The following HYDIN variants were observed in gnomAD, a reference collection of about 807,000 sequenced individuals.
HYDIN encodes HYDIN axonemal central pair apparatus protein.
A neutral mutation model predicts 403.9 loss-of-function variants in HYDIN; 132 were observed. The ratio of observed to expected loss-of-function variants is 0.33; its 90% confidence interval spans 0.28 to 0.38. HYDIN has a LOEUF of 0.38. HYDIN is among the 10% of genes least tolerant of loss of function. HYDIN has a pLI of 1.00. For missense variants in HYDIN, 2,827 were observed against 5,009.5 expected, an observed-to-expected ratio of 0.56 and a Z score of 13.15; for synonymous variants, 1,202 against 1,891.7, an observed-to-expected ratio of 0.64 and a Z score of 9.46.
rs760461694 is a variant in HYDIN, at chr16:71,062,172, A to C, written c.2373T>G (p.Pro791=). 9.4e-6 allele frequency: 12 copies of C among 1,283,182 alleles called. No individual in the cohort carries two copies. The highest frequency in any genetic ancestry group is 8.8e-5 in the African/African-American group (6 of 67,954). The allele number at this position is 1,283,182 out of a possible 1,614,324, so 79.5% of individuals were successfully genotyped here. Residue 791 remains proline (P), a synonymous_variant, in exon 17 of 86, where the codon CCT becomes CCG. Transcript: ENST00000393567. ...YISIFGSQDP[P]LVCHLKSAGE... ...AGTTCTGAAAATGGACTCTCACCAAAGGGGGGTCCTGGCTCCCAAAGATTG... is the reference window on the plus strand; with the variant it reads ...AGTTCTGAAAATGGACTCTCACCAACGGGGGGTCCTGGCTCCCAAAGATTG...
chr16:70,992,348 C>T (rs2079384545), intron 23 of HYDIN, 138 bp from the exon 24 acceptor site: 1 of 1,174,588 alleles, frequency 8.5e-7, no homozygotes, highest in Non-Finnish European at 1.1e-6. Flanking sequence ...CACCCTACAC[C>T]CTCCCTTGAA....
At chr16:71,193,195 T>G (rs1204471885) in intron 1 of HYDIN, among the ~76,000 whole-genome samples, 14 of 152,246 alleles carry the variant, frequency 9.2e-5, no homozygotes. Context: ...AGGAGCTCAG[T>G]AAATAATTGT....
At chr16:71,133,380 G>T (rs2084789994) in intron 8 of HYDIN, 2 of 380,062 alleles carry the variant, frequency 5.3e-6, no homozygotes, top group Admixed American at 7.3e-5. Flanking sequence ...CTGTTTGGCA[G>T]TACCACGTAA....
chr16:71,205,758 T>G (rs1477446738), intron 1 of HYDIN, among the ~76,000 whole-genome samples: 1 of 152,208 alleles, frequency 6.6e-6, no homozygotes, highest in African/African-American at 2.4e-5. Flanking sequence ...CATTTTTGCG[T>G]GAACTCAGCT....
At chr16:71,021,101 A>G (rs370869368) in intron 21 of HYDIN, among the ~76,000 whole-genome samples, 3 of 151,300 alleles carry the variant, frequency 2.0e-5, no homozygotes, top group South Asian at 2.1e-4. Flanking sequence ...TGATTTGCCT[A>G]TATCTTGTTA....
intron 25 of HYDIN, among the ~76,000 whole-genome samples, chr16:70,990,810 G>T: frequency 6.6e-6 from 1 of 152,218 alleles, no homozygotes; most frequent in East Asian, 1.9e-4. Context: ...TTGCAAAGTT[G>T]TATGTTATAG....
chr16:71,210,408 A>G (rs930756152), intron 1 of HYDIN, among the ~76,000 whole-genome samples: 5 of 152,206 alleles, frequency 3.3e-5, no homozygotes, highest in African/African-American at 1.2e-4. Flanking sequence ...TAACACAGGA[A>G]CAGAAAACCA....
rs532292256 is a variant in HYDIN, at chr16:70,805,764, T to C, written c.*1816A>G. On this transcript the variant is annotated 3_prime_UTR_variant, in exon 86 of 86. Coordinates refer to ENST00000393567, the MANE Select transcript of HYDIN (RefSeq NM_001270974.2). ...TCTTTAGACCTATCAGTAGTGTCTT[T>C]AGAGGTTATAGAAATAAATTGTCTA... 6.6e-6 allele frequency among the ~76,000 whole-genome samples: 1 copy of C among 152,340 alleles called. No homozygotes were observed. Among genetic ancestry groups the C allele is most frequent in the Admixed American group, 6.5e-5 (1 of 15,298 alleles).
At chr16:71,178,877 C>G in intron 4 of HYDIN, 51 bp downstream of exon 4, 1 of 1,490,352 alleles carries the variant, frequency 6.7e-7, no homozygotes, top group Non-Finnish European at 9.1e-7. Context: ...TTACTTTAAC[C>G]CATTCTCATA....
At chr16:71,056,708 C>A (rs1428182750) in intron 18 of HYDIN, among the ~76,000 whole-genome samples, 10 of 152,260 alleles carry the variant, frequency 6.6e-5, no homozygotes, top group African/African-American at 2.2e-4. Flanking sequence ...CAGCATCCAA[C>A]AAGAAAAGAG....
intron 1 of HYDIN, among the ~76,000 whole-genome samples, chr16:71,201,617 C>T (rs993625540): frequency 6.6e-6 from 1 of 152,196 alleles, no homozygotes; most frequent in Admixed American, 6.5e-5. Flanking sequence ...AGAGGCAATG[C>T]TTTCTTTGTA....
Position 70,834,166 on chromosome 16 carries a change from T to G in HYDIN, c.13402-2A>C, listed in dbSNP as rs1270003368. 6.2e-7 allele frequency: 1 copy of G among 1,613,826 alleles called. No individual in the cohort carries two copies. The highest frequency in any genetic ancestry group is 2.2e-5 in the East Asian group (1 of 44,856). On this transcript the variant is annotated splice_acceptor_variant, in intron 78 of 85. Coordinates refer to ENST00000393567, the MANE Select transcript of HYDIN (RefSeq NM_001270974.2). LOFTEE classifies it high-confidence loss of function. ...GTGGAAGGGCGCCAGGGTAAGGACC[T>G]GAATGAAATAGCACCCAGAGTCAGC...
At chr16:71,174,819 G>T (rs561545772) in intron 5 of HYDIN, among the ~76,000 whole-genome samples, 1 of 152,164 alleles carries the variant, frequency 6.6e-6, no homozygotes, top group Admixed American at 6.5e-5. Flanking sequence ...GCTGATGGGG[G>T]TGAGCAGGCC....
At chr16:70,995,462 G>T (rs1477218314) in intron 23 of HYDIN, among the ~76,000 whole-genome samples, 2 of 152,100 alleles carry the variant, frequency 1.3e-5, no homozygotes, top group Non-Finnish European at 2.9e-5. Context: ...TGGCTTTGGG[G>T]GCAGTGGTTT....
chr16:70,906,596 C>A (rs1369465148), intron 50 of HYDIN, among the ~76,000 whole-genome samples: 2 of 152,174 alleles, frequency 1.3e-5, no homozygotes, highest in East Asian at 3.9e-4. Context: ...AGCATGCAAG[C>A]CTCATAAGAA....
At chr16:70,849,215 A>C (rs1194071331) in intron 75 of HYDIN, among the ~76,000 whole-genome samples, 1 of 152,182 alleles carries the variant, frequency 6.6e-6, no homozygotes, top group African/African-American at 2.4e-5. Context: ...GGCAAATCAA[A>C]ATACCACAAA....
At chr16:71,067,412 G>A (rs748281344) in intron 14 of HYDIN, 22 bp from the exon 15 acceptor site, 5 of 1,564,324 alleles carry the variant, frequency 3.2e-6, no homozygotes, top group South Asian at 1.1e-5. Flanking sequence ...AAGGTGACAA[G>A]TTGGTCTTCG....
intron 28 of HYDIN, 99 bp from the exon 29 acceptor site, chr16:70,981,667 A>T (rs2079049858): frequency 7.0e-7 from 1 of 1,434,608 alleles, no homozygotes. Flanking sequence ...GACAAAGTAA[A>T]CCTAAAAAAA....
Position 71,230,575 on chromosome 16 carries a change from G to C in HYDIN, c.-37C>G. On this transcript the variant is annotated 5_prime_UTR_variant, in exon 1 of 86. Coordinates refer to ENST00000393567, the MANE Select transcript of HYDIN (RefSeq NM_001270974.2). ...AGGACCTCTGACCTTGGTGCACTCC[G>C]GGTCCCACGTTTATTCTACCTCCAT... The C allele has an allele frequency of 6.5e-7, 1 of 1,535,472 alleles. No individual in the cohort carries two copies. The highest frequency in any genetic ancestry group is 8.7e-7 in the Non-Finnish European group (1 of 1,146,516).
Sources: gnomAD v4.1 joint callset for allele counts (sites outside exome capture counted in the v4.1 genomes callset) on GRCh38, gnomAD v4.1.1 for gene constraint, MANE v1.5 for transcripts, NCBI Gene and HGNC (gene_info 2026-07-23, HGNC 2026-07-21) for gene names.